EEF1AKMT1: variants seen among roughly 807,000 people sequenced by gnomAD.
EEF1AKMT1 encodes EEF1A lysine methyltransferase 1.
In EEF1AKMT1, 18 loss-of-function variants were observed where a neutral mutation model predicts 21.0. That is an observed-to-expected ratio of 0.86 (90% CI 0.59 to 1.27). The LOEUF is 1.27. Among genes scored for constraint, EEF1AKMT1 ranks in the 50% most tolerant of loss-of-function variants. The pLI is 0.00. For synonymous variants in EEF1AKMT1, 109 were observed against 94.8 expected (o/e 1.15, Z -0.87); for missense variants, 246 against 258.6 (o/e 0.95, Z 0.33).
At chr13:20,746,075 C>G (rs1370572702) in intron 2 of EEF1AKMT1, among the ~76,000 whole-genome samples, 1 of 151,658 alleles carries the variant, frequency 6.6e-6, no homozygotes, top group Non-Finnish European at 1.5e-5. Flanking sequence ...CATAAGTCCA[C>G]GTTTAAAATA....
At chr13:20,730,826 G>A (rs890929294) in intron 4 of EEF1AKMT1, among the ~76,000 whole-genome samples, 4 of 152,290 alleles carry the variant, frequency 2.6e-5, no homozygotes, top group African/African-American at 7.2e-5. Flanking sequence ...TGGCCACCCC[G>A]CAGCCAGCAG....
At chr13:20,761,100 A>G (rs2058999433) in intron 1 of EEF1AKMT1, among the ~76,000 whole-genome samples, 1 of 152,228 alleles carries the variant, frequency 6.6e-6, no homozygotes, top group Admixed American at 6.5e-5. Context: ...ACACACATTT[A>G]TTTGCAGGCG....
chr13:20,765,151 C>T (rs2059021613), intron 1 of EEF1AKMT1, among the ~76,000 whole-genome samples: 1 of 151,970 alleles, frequency 6.6e-6, no homozygotes, highest in South Asian at 2.1e-4. Context: ...ATCCCAGCTA[C>T]TCGGGAGGCT....
At chr13:20,736,208 G>C (rs1242260684) in intron 3 of EEF1AKMT1, among the ~76,000 whole-genome samples, 3 of 152,028 alleles carry the variant, frequency 2.0e-5, no homozygotes, top group Non-Finnish European at 2.9e-5. Flanking sequence ...GGCATGGTTA[G>C]AAAAAAGCAA....
At chr13:20,745,077 G>T (rs2058895402) in intron 2 of EEF1AKMT1, among the ~76,000 whole-genome samples, 1 of 152,148 alleles carries the variant, frequency 6.6e-6, no homozygotes, top group African/African-American at 2.4e-5. Flanking sequence ...ATGCTGTTTT[G>T]GTTACTAGCC....
chr13:20,737,871 T>C (rs532937395), intron 2 of EEF1AKMT1, 66 bp from the exon 3 acceptor site: 2 of 1,111,356 alleles, frequency 1.8e-6, no homozygotes, highest in African/African-American at 1.6e-5. Flanking sequence ...TTAATTTATA[T>C]ATAATCTATA....
At chr13:20,764,125 T>C (rs1452736068) in intron 1 of EEF1AKMT1, among the ~76,000 whole-genome samples, 1 of 152,248 alleles carries the variant, frequency 6.6e-6, no homozygotes, top group Non-Finnish European at 1.5e-5. Context: ...TTCTACTTGC[T>C]TTGCATTTGT....
chr13:20,740,140 T>C (rs2058861130), intron 2 of EEF1AKMT1, among the ~76,000 whole-genome samples: 2 of 152,218 alleles, frequency 1.3e-5, no homozygotes, highest in African/African-American at 4.8e-5. Flanking sequence ...AGTGCTGGGA[T>C]CCGGCGCACC....
chr13:20,773,650 G>C (rs1489382656), intron 1 of EEF1AKMT1, among the ~76,000 whole-genome samples: 1 of 152,226 alleles, frequency 6.6e-6, no homozygotes, highest in Non-Finnish European at 1.5e-5. Flanking sequence ...CCTAAGGCCC[G>C]GGCGCCAACG....
intron 3 of EEF1AKMT1, among the ~76,000 whole-genome samples, chr13:20,734,721 G>GT (rs931032414): frequency 2.6e-5 from 4 of 152,064 alleles, no homozygotes; most frequent in African/African-American, 9.7e-5. Context: ...AGCCTCCCGA[G>GT]TATCATCTTT....
At chr13:20,740,171 G>A (rs919475358) in intron 2 of EEF1AKMT1, among the ~76,000 whole-genome samples, 1 of 152,244 alleles carries the variant, frequency 6.6e-6, no homozygotes, top group East Asian at 1.9e-4. Context: ...GCTGGCCTAG[G>A]TGCTAAGTCC....
chr13:20,748,726 G>GTTTTTTTTTTTTTTTTTTTTT (rs750094631), intron 2 of EEF1AKMT1, among the ~76,000 whole-genome samples: 11 of 72,610 alleles, frequency 1.5e-4, no homozygotes, highest in Admixed American at 4.5e-4. Flanking sequence ...TTTTTTTTTG[G>GTTTTTTTTTTTTTTTTTTTTT]TTTTTTTTTT....
At chr13:20,766,265 C>G (rs1255167579) in intron 1 of EEF1AKMT1, among the ~76,000 whole-genome samples, 1 of 131,226 alleles carries the variant, frequency 7.6e-6, no homozygotes, top group Non-Finnish European at 1.5e-5. Context: ...CAACACTGCA[C>G]TCCAGCCTGG....
intron 1 of EEF1AKMT1, 133 bp from the exon 2 acceptor site, chr13:20,757,750 A>C: frequency 1.4e-6 from 1 of 717,372 alleles, no homozygotes; most frequent in Non-Finnish European, 2.2e-6. Context: ...CCAAAAATAA[A>C]ATTCTAAGCC....
chr13:20,762,408 C>T (rs777349524), intron 1 of EEF1AKMT1, among the ~76,000 whole-genome samples: 3 of 151,786 alleles, frequency 2.0e-5, no homozygotes, highest in Non-Finnish European at 1.5e-5. Flanking sequence ...AGGCTAGTTT[C>T]GAACTCCTAA....
At chr13:20,750,672 T>C (rs2058935364) in intron 2 of EEF1AKMT1, among the ~76,000 whole-genome samples, 2 of 152,200 alleles carry the variant, frequency 1.3e-5, no homozygotes, top group Admixed American at 6.5e-5. Flanking sequence ...GTTTTTGATA[T>C]ACTAATTTCT....
intron 3 of EEF1AKMT1, among the ~76,000 whole-genome samples, chr13:20,734,251 T>A (rs560525316): frequency 4.6e-5 from 7 of 152,358 alleles, no homozygotes; most frequent in African/African-American, 1.4e-4. Context: ...CTGAAGGATG[T>A]ACTTCAGGTA....
chr13:20,750,940 T>C (rs1482040187), intron 2 of EEF1AKMT1, among the ~76,000 whole-genome samples: 2 of 152,350 alleles, frequency 1.3e-5, no homozygotes, highest in East Asian at 1.9e-4. Flanking sequence ...ATTAGTAATG[T>C]TGAGCTCTTC....
rs536179415 is a variant in EEF1AKMT1 at position 20,759,350 on chromosome 13, C to T, written c.-19-1733G>A. On this transcript the variant is annotated intron_variant, in intron 1 of 4. Coordinates refer to ENST00000382758, the MANE Select transcript of EEF1AKMT1 (RefSeq NM_001318939.2). The stretch of plus-strand genomic sequence containing the variant: ...ATCGCAGCACTTTGGGAGATGGAGG[C>T]GGGTGGATCATGAGGTCAGGAGATC... Among the ~76,000 whole-genome samples the T allele has an allele frequency of 1.2e-4, 18 of 152,224 alleles. No individual in the cohort carries two copies. The East Asian group carries it at 3.5e-3, about 29-fold the overall frequency.
Sources: gnomAD v4.1 joint callset for allele counts (sites outside exome capture counted in the v4.1 genomes callset) on GRCh38, gnomAD v4.1.1 for gene constraint, MANE v1.5 for transcripts, NCBI Gene and HGNC (gene_info 2026-07-23, HGNC 2026-07-21) for gene names.